DHRSX: variants seen among roughly 807,000 people sequenced by gnomAD.
DHRSX encodes the protein dehydrogenase/reductase X-linked.
A neutral mutation model predicts 34.0 loss-of-function variants in DHRSX; 31 were observed. The ratio of observed to expected loss-of-function variants is 0.91; its 90% CI spans 0.69 to 1.23. The LOEUF (loss-of-function observed/expected upper bound fraction) is 1.23, where lower values mean the gene tolerates loss of function less well. Ranked by LOEUF, DHRSX falls within the 50% of genes most tolerant of loss-of-function variation. The probability of loss-of-function intolerance (pLI) is 0.00; values close to 1 mark genes in which losing one functional copy is unlikely to be tolerated. For synonymous variants in DHRSX, 201 were observed against 183.8 expected, an observed-to-expected ratio of 1.09 and a Z score of -0.76; for missense variants, 414 against 428.1, an observed-to-expected ratio of 0.97 and a Z score of 0.29.
At chrX:2,247,009 C>T (rs1282418453) in intron 5 of DHRSX, among the ~76,000 whole-genome samples, 1 of 152,082 alleles carries the variant, frequency 6.6e-6, no homozygotes, top group Admixed American at 6.6e-5. Flanking sequence ...AGTGCAGTGG[C>T]GCCATCTCAG....
At chrX:2,369,525 C>A (rs1411448204) in intron 3 of DHRSX, among the ~76,000 whole-genome samples, 1 of 151,946 alleles carries the variant, frequency 6.6e-6, no homozygotes, top group Non-Finnish European at 1.5e-5. Flanking sequence ...GAGACAGAGT[C>A]TCGCCCTGTC....
At chrX:2,327,915 C>G (rs982759992) in intron 3 of DHRSX, among the ~76,000 whole-genome samples, 3 of 151,840 alleles carry the variant, frequency 2.0e-5, no homozygotes, top group Non-Finnish European at 4.4e-5. Context: ...TCCATCTCTA[C>G]TAAAAATAGA....
chrX:2,408,731 G>C lies in DHRSX; in HGVS notation c.286+14C>G, dbSNP rs1368468036. 12 of 1,598,068 alleles carry C rather than the reference G, an allele frequency of 7.5e-6. No homozygotes were observed. Among genetic ancestry groups the C allele is most frequent in the Non-Finnish European group, 9.4e-6 (11 of 1,174,994 alleles). Reference sequence around the variant, plus strand: ...AAAAAAACAAAAAAAAGCCATTGGAGTATCTCTCGGTACCTTTGTCGTTCA... The same window carrying C: ...AAAAAAACAAAAAAAAGCCATTGGACTATCTCTCGGTACCTTTGTCGTTCA... On this transcript the variant is annotated intron_variant, in intron 3 of 6. Coordinates refer to ENST00000334651, the MANE Select transcript of DHRSX (RefSeq NM_145177.3).
At chrX:2,236,358 C>A (rs1403720964) in intron 6 of DHRSX, among the ~76,000 whole-genome samples, 1 of 152,126 alleles carries the variant, frequency 6.6e-6, no homozygotes, top group African/African-American at 2.4e-5. Flanking sequence ...GAGGAGGAAA[C>A]AGCCAGGGCT....
intron 5 of DHRSX, among the ~76,000 whole-genome samples, chrX:2,245,048 T>C (rs903558359): frequency 1.3e-5 from 2 of 152,094 alleles, no homozygotes; most frequent in Admixed American, 1.3e-4. Flanking sequence ...TGTATCCTGA[T>C]GGAAGCTGTG....
chrX:2,269,420 G>C (rs1204574214), intron 4 of DHRSX, among the ~76,000 whole-genome samples: 1 of 152,114 alleles, frequency 6.6e-6, no homozygotes, highest in Non-Finnish European at 1.5e-5. Context: ...CACATATATA[G>C]GCCTAGCATT....
intron 6 of DHRSX, among the ~76,000 whole-genome samples, chrX:2,226,205 G>A (rs1422993838): frequency 6.6e-6 from 1 of 152,194 alleles, no homozygotes; most frequent in African/African-American, 2.4e-5. Flanking sequence ...GTGTGCATAT[G>A]TCAAGAAAGC....
At chrX:2,236,255 G>A (rs1180363021) in intron 6 of DHRSX, among the ~76,000 whole-genome samples, 1 of 152,154 alleles carries the variant, frequency 6.6e-6, no homozygotes, top group Non-Finnish European at 1.5e-5. Flanking sequence ...GGGAAAGCAA[G>A]CGCCCAGGAG....
chrX:2,307,794 A>AT (rs1373846986), intron 3 of DHRSX, among the ~76,000 whole-genome samples: 2 of 146,760 alleles, frequency 1.4e-5, no homozygotes, highest in African/African-American at 5.2e-5. Context: ...AAAAATAAAA[A>AT]AAATAAAATA....
intron 5 of DHRSX, among the ~76,000 whole-genome samples, chrX:2,243,804 T>TTTG (rs2016210837): frequency 3.6e-5 from 1 of 27,962 alleles, no homozygotes; most frequent in African/African-American, 7.4e-5. Context: ...TTTTTTTTTT[T>TTTG]TTTTTTTTTT....
chrX:2,492,918 T>C (rs1292688164), intron 1 of DHRSX, among the ~76,000 whole-genome samples: 1 of 152,250 alleles, frequency 6.6e-6, no homozygotes, highest in Non-Finnish European at 1.5e-5. Context: ...CCCGAAATAA[T>C]GAGTGGAGGT....
intron 3 of DHRSX, among the ~76,000 whole-genome samples, chrX:2,371,576 A>ATAGTACCTCCTTCCATTACCC (rs1413682588): frequency 2.1e-5 from 3 of 145,804 alleles, no homozygotes; most frequent in Non-Finnish European, 4.5e-5. Flanking sequence ...TTCCATTACC[A>ATAGTACCTCCTTCCATTACCC]TAGTACCTCC....
intron 3 of DHRSX, among the ~76,000 whole-genome samples, chrX:2,351,517 A>G (rs759272970): frequency 1.3e-5 from 2 of 152,306 alleles, no homozygotes; most frequent in South Asian, 4.1e-4. Flanking sequence ...AAAGCAACAC[A>G]GGCCACCCAA....
chrX:2,497,545 G>A (rs748199361), intron 1 of DHRSX, among the ~76,000 whole-genome samples: 2 of 152,252 alleles, frequency 1.3e-5, no homozygotes, highest in East Asian at 1.9e-4. Flanking sequence ...TCTATAAATA[G>A]CTTTGTAAGT....
intron 3 of DHRSX, among the ~76,000 whole-genome samples, chrX:2,407,039 C>G (rs4892914): frequency 0.78 from 119,108 of 152,078 alleles, 47,700 homozygotes; most frequent in African/African-American, 0.95. Flanking sequence ...CACACGAAAG[C>G]ATAAAGAAAA....
At chrX:2,361,514 A>C (rs1161792177) in intron 3 of DHRSX, among the ~76,000 whole-genome samples, 2 of 152,214 alleles carry the variant, frequency 1.3e-5, no homozygotes, top group Non-Finnish European at 2.9e-5. Context: ...ATAAAGACCT[A>C]AATCTGTGGT....
intron 1 of DHRSX, among the ~76,000 whole-genome samples, chrX:2,425,956 C>T (rs771963373): frequency 1.3e-5 from 2 of 152,248 alleles, no homozygotes; most frequent in Non-Finnish European, 2.9e-5. Flanking sequence ...GGCATAGGGG[C>T]TGTCCCTGAC....
intron 1 of DHRSX, among the ~76,000 whole-genome samples, chrX:2,499,841 T>C (rs1348642679): frequency 1.3e-5 from 2 of 152,062 alleles, no homozygotes; most frequent in Non-Finnish European, 2.9e-5. Context: ...GCCCAGGAGT[T>C]CGAGACCAGC....
chrX:2,320,905 G>A (rs1465913843), intron 3 of DHRSX, among the ~76,000 whole-genome samples: 1 of 152,104 alleles, frequency 6.6e-6, no homozygotes, highest in African/African-American at 2.4e-5. Context: ...CGTACAGCCT[G>A]TCTGCCTGAG....
Sources: allele counts gnomAD v4.1 joint callset (sites outside exome capture counted in the v4.1 genomes callset), GRCh38; gene constraint gnomAD v4.1.1; transcripts MANE v1.5; gene names NCBI Gene and HGNC (gene_info 2026-07-23, HGNC 2026-07-21).